Variants in RYR2 observed in about 807,000 individuals in gnomAD.
The protein encoded by RYR2 is cardiac muscle ryanodine receptor-calcium release channel.
In RYR2, 227 loss-of-function variants were observed where a neutral mutation model predicts 601.1. The ratio of observed to expected loss-of-function variants is 0.38; its 90% CI spans 0.34 to 0.42. RYR2 has a LOEUF of 0.42. RYR2 is among the 10% of genes least tolerant of loss of function. The pLI is 1.00. For missense variants in RYR2, 4,646 were observed against 6,156.5 expected, an observed-to-expected ratio of 0.75 and a Z score of 8.21; for synonymous variants, 2,223 against 2,175.1, an observed-to-expected ratio of 1.02 and a Z score of -0.61.
intron 25 of RYR2, among the ~76,000 whole-genome samples, chr1:237,547,932 C>T (rs767298897): frequency 6.6e-6 from 1 of 151,962 alleles, no homozygotes; most frequent in Non-Finnish European, 1.5e-5. Flanking sequence ...CTAGGAATGA[C>T]AGTAAGGAAA....
intron 2 of RYR2, among the ~76,000 whole-genome samples, chr1:237,285,052 A>T (rs1228121139): frequency 6.6e-6 from 1 of 152,040 alleles, no homozygotes; most frequent in Non-Finnish European, 1.5e-5. Flanking sequence ...TCTGGCTAGG[A>T]CTTCCAGTAC....
chr1:237,591,861 G>A lies in RYR2; in HGVS notation c.4275+8G>A. ...TTGATGCAAACGTCCACGGTATGAG[G>A]TTGCAGCTTTTGTCGTTTATTTCTA... On this transcript the variant is annotated splice_region_variant and intron_variant, in intron 32 of 104. Coordinates refer to ENST00000366574, the MANE Select transcript of RYR2 (RefSeq NM_001035.3). 6.2e-7 allele frequency: 1 copy of A among 1,603,154 alleles called. No individual in the cohort carries two copies. Among genetic ancestry groups the A allele is most frequent in the Non-Finnish European group, 8.5e-7 (1 of 1,172,698 alleles).
At chr1:237,255,039 T>C (rs555366711) in intron 1 of RYR2, among the ~76,000 whole-genome samples, 4 of 152,224 alleles carry the variant, frequency 2.6e-5, no homozygotes, top group Non-Finnish European at 4.4e-5. Flanking sequence ...AGGAAAACTT[T>C]CTTATCCTCA....
Position 237,382,161 on chromosome 1 carries a change from C to T in RYR2, c.576+4726C>T, listed in dbSNP as rs560360042. On this transcript the variant is annotated intron_variant, in intron 8 of 104. Transcript: ENST00000366574. ...TTGTTTGCACTGGAAATGTAGATTT[C>T]CAACTGATTTTCTACTGATCAGGTT... 2.0e-3 allele frequency among the ~76,000 whole-genome samples: 310 copies of T among 152,254 alleles called. 2 individuals are homozygous for T. Among genetic ancestry groups the T allele is most frequent in the Non-Finnish European group, 3.7e-3 (253 of 68,016 alleles).
chr1:237,823,065 A>T lies in RYR2; in HGVS notation c.14590+3873A>T, dbSNP rs1288425914. Among the ~76,000 whole-genome samples the T allele has an allele frequency of 2.9e-4, 44 of 152,120 alleles. 1 individual carries two copies. The highest frequency in any genetic ancestry group is 2.8e-3 in the Admixed American group (43 of 15,266). ...CTTAGAGACCTACAAAGAGACTTAG[A>T]CTCCCCAAAATAATAGTGGAAGACT... On this transcript the variant is annotated intron_variant, in intron 101 of 104. Transcript: ENST00000366574.
chr1:237,058,574 C>T (rs577483667), intron 1 of RYR2, among the ~76,000 whole-genome samples: 9 of 152,342 alleles, frequency 5.9e-5, no homozygotes, highest in African/African-American at 2.2e-4. Context: ...CATATATCTT[C>T]ATCTCTTTTG....
chr1:237,341,778 T>C (rs1697822142), intron 3 of RYR2: 4 of 433,974 alleles, frequency 9.2e-6, no homozygotes, highest in African/African-American at 8.2e-5. Flanking sequence ...AGAGCTTTTT[T>C]GTCTGTTAAA....
At chr1:237,330,813 G>A (rs930292099) in intron 2 of RYR2, 65 bp from the exon 3 acceptor site, 1 of 1,260,196 alleles carries the variant, frequency 7.9e-7, no homozygotes, top group African/African-American at 1.5e-5. Context: ...AGCCTCCTAA[G>A]GTAAGCTGGG....
At chr1:237,425,783 G>A (rs1212854761) in intron 12 of RYR2, among the ~76,000 whole-genome samples, 1 of 152,106 alleles carries the variant, frequency 6.6e-6, no homozygotes, top group East Asian at 1.9e-4. Flanking sequence ...TCTTAGGGGT[G>A]GCAGAGATGA....
At chr1:237,572,128 C>G (rs560629059) in intron 29 of RYR2, among the ~76,000 whole-genome samples, 165 of 152,226 alleles carry the variant, frequency 1.1e-3, no homozygotes, top group African/African-American at 3.9e-3. Flanking sequence ...CTAACCCTCC[C>G]CTACCTGTCT....
chr1:237,144,990 C>T (rs1302419185), intron 1 of RYR2, among the ~76,000 whole-genome samples: 2 of 151,756 alleles, frequency 1.3e-5, no homozygotes, highest in East Asian at 3.9e-4. Flanking sequence ...CTAAATGAAC[C>T]CTGTAGTTTA....
chr1:237,270,094 A>C lies in RYR2; in HGVS notation c.49-403A>C, dbSNP rs116129172. 3.4e-3 allele frequency among the ~76,000 whole-genome samples: 523 copies of C among 152,280 alleles called. 1 individual carries two copies. Among genetic ancestry groups the C allele is most frequent in the African/African-American group, 0.012 (496 of 41,546 alleles). Reference sequence around the variant, plus strand: ...AATGACATGTGTGCCTGCTATTAGAATCTGTTCCGTTCTTGATGATACTTG... The same window carrying C: ...AATGACATGTGTGCCTGCTATTAGACTCTGTTCCGTTCTTGATGATACTTG... On this transcript the variant is annotated intron_variant, in intron 1 of 104. Transcript: ENST00000366574.
chr1:237,422,678 A>T lies in RYR2; in HGVS notation c.849-414A>T, dbSNP rs547191514. Among the ~76,000 whole-genome samples, 14 of 152,314 alleles carry T rather than the reference A, an allele frequency of 9.2e-5. 1 individual carries two copies. The South Asian group carries it at 2.7e-3, about 29-fold the overall frequency. ...TACTACTGTTTTTCAAGTCTGTGCAAATACAGCAACAGTTTTTAACTAGTA... is the reference window on the plus strand; with the variant it reads ...TACTACTGTTTTTCAAGTCTGTGCATATACAGCAACAGTTTTTAACTAGTA... On this transcript the variant is annotated intron_variant, in intron 11 of 104. Transcript: ENST00000366574.
In RYR2 at chr1:237,496,540, G is replaced by T; in HGVS notation, c.1991G>T (p.Ser664Ile). 1 of 1,614,016 alleles carries T rather than the reference G, an allele frequency of 6.2e-7. No individual in the cohort carries two copies. The highest frequency in any genetic ancestry group is 8.5e-7 in the Non-Finnish European group (1 of 1,179,884). The change falls in exon 20 of 105, where the codon AGT becomes ATT. Residue 664 changes from serine (S) to isoleucine (I), a missense_variant. This residue lies in a region of RYR2 where 1,807 missense variants were observed against 2,088.1 expected (regional missense o/e 0.87). Transcript: ENST00000366574. ...AGACCCAATATTTTTCTGGGCGTCA[G>T]TGAAGGTTCTGCTCAGTATAAGAAA... is the stretch of plus-strand genomic sequence containing the variant. ...SMRPNIFLGVSEGSAQYKKWY... is the reference protein window; with the variant it reads ...SMRPNIFLGVIEGSAQYKKWY...
chr1:237,150,010 G>A (rs1232151203), intron 1 of RYR2, among the ~76,000 whole-genome samples: 1 of 152,208 alleles, frequency 6.6e-6, no homozygotes, highest in Non-Finnish European at 1.5e-5. Context: ...TGTTGTATTA[G>A]TATTATAAAA....
chr1:237,416,968 T>C, intron 10 of RYR2, 81 bp from the exon 11 acceptor site: 1 of 1,257,522 alleles, frequency 8.0e-7, no homozygotes, highest in Non-Finnish European at 1.2e-6. Flanking sequence ...TTTTCTCTCC[T>C]AATTAGCTTC....
At chr1:237,219,516 G>C (rs1683568031) in intron 1 of RYR2, among the ~76,000 whole-genome samples, 1 of 152,072 alleles carries the variant, frequency 6.6e-6, no homozygotes, top group Non-Finnish European at 1.5e-5. Context: ...ACCAGAGTTT[G>C]GTCAAATGCC....
At chr1:237,553,537 GTTC>G (rs571087989) in intron 27 of RYR2, among the ~76,000 whole-genome samples, 154 of 151,870 alleles carry the variant, frequency 1.0e-3, no homozygotes, top group African/African-American at 3.6e-3. Flanking sequence ...AAGGTTTTTT[GTTC>G]TTCTTTTGCA....
chr1:237,400,945 A>G (rs1308675729), intron 10 of RYR2, among the ~76,000 whole-genome samples: 1 of 152,162 alleles, frequency 6.6e-6, no homozygotes, highest in African/African-American at 2.4e-5. Flanking sequence ...AATTGTACAA[A>G]TCTCCCTAAA....
Sources: gnomAD v4.1 joint callset for allele counts (sites outside exome capture counted in the v4.1 genomes callset) on GRCh38, gnomAD v4.1.1 for gene constraint, gnomAD v4.1.1 regional missense constraint, MANE v1.5 for transcripts, NCBI Gene and HGNC (gene_info 2026-07-23, HGNC 2026-07-21) for gene names.